The following CBFA2T3 variants were observed in gnomAD, a reference collection of about 807,000 sequenced individuals.
CBFA2T3 encodes the protein transcriptional corepressor CBFA2T3.
Under a neutral mutation model 58.6 loss-of-function variants are expected in CBFA2T3, and 31 were observed. The ratio of observed to expected loss-of-function variants is 0.53; its 90% CI spans 0.40 to 0.71. The LOEUF (loss-of-function observed/expected upper bound fraction) is 0.71, where lower values mean the gene tolerates loss of function less well. Among genes scored for constraint, CBFA2T3 ranks in the 30% least tolerant of loss-of-function variants. The pLI is 0.00. For synonymous variants in CBFA2T3, 531 were observed against 421.9 expected (o/e 1.26, Z -3.17); for missense variants, 1,076 against 963.1 (o/e 1.12, Z -1.55).
chr16:88,884,209 C>T (rs1567577036), intron 7 of CBFA2T3: 1 of 152,406 alleles, frequency 6.6e-6, no homozygotes, highest in East Asian at 1.9e-4. Context: ...GCCCTGGAAC[C>T]CTCCGCAAGG....
chr16:88,891,122 C>T (rs879290806), intron 5 of CBFA2T3, among the ~76,000 whole-genome samples: 5 of 152,106 alleles, frequency 3.3e-5, no homozygotes, highest in East Asian at 1.9e-4. Context: ...CTTCATCCAT[C>T]GGCCTGCGCA....
chr16:88,913,650 T>A (rs993286041), intron 1 of CBFA2T3, among the ~76,000 whole-genome samples: 11 of 151,738 alleles, frequency 7.2e-5, no homozygotes, highest in Non-Finnish European at 1.5e-4. Context: ...CGTGGGGGGG[T>A]CTCAGCCGGG....
chr16:88,942,007 C>T (rs1010732392), intron 1 of CBFA2T3, among the ~76,000 whole-genome samples: 14 of 151,820 alleles, frequency 9.2e-5, no homozygotes, highest in Admixed American at 2.6e-4. Context: ...GCGCTCCCCC[C>T]GCTCAGCCTC....
chr16:88,881,048 G>A (rs1394260389), intron 9 of CBFA2T3: 1 of 704,190 alleles, frequency 1.4e-6, no homozygotes, highest in Non-Finnish European at 2.6e-6. Context: ...ATTCGTCGCT[G>A]AGGCGGAGAA....
At chr16:88,898,594 G>A (rs1171360335) in intron 2 of CBFA2T3, among the ~76,000 whole-genome samples, 2 of 152,244 alleles carry the variant, frequency 1.3e-5, no homozygotes, top group Non-Finnish European at 2.9e-5. Flanking sequence ...CTTCCCAGAA[G>A]GCCCCTGTGA....
At chr16:88,917,720 TC>T (rs1970783232) in intron 1 of CBFA2T3, among the ~76,000 whole-genome samples, 1 of 152,170 alleles carries the variant, frequency 6.6e-6, no homozygotes, top group Admixed American at 6.5e-5. Context: ...AAGAATGTTT[TC>T]CCTGAAGTGC....
chr16:88,929,352 T>G (rs904587080), intron 1 of CBFA2T3, among the ~76,000 whole-genome samples: 1 of 152,188 alleles, frequency 6.6e-6, no homozygotes, highest in Non-Finnish European at 1.5e-5. Flanking sequence ...CCCACGGGCC[T>G]GCGGGAGGAC....
chr16:88,903,692 G>GGT (rs1224162319), intron 1 of CBFA2T3, among the ~76,000 whole-genome samples: 2 of 64,798 alleles, frequency 3.1e-5, no homozygotes, highest in Non-Finnish European at 6.7e-5. Flanking sequence ...GGGCATTCCT[G>GGT]GGGGGGGCGT....
chr16:88,920,065 C>A (rs1970861832), intron 1 of CBFA2T3, among the ~76,000 whole-genome samples: 1 of 152,254 alleles, frequency 6.6e-6, no homozygotes, highest in African/African-American at 2.4e-5. Flanking sequence ...GGTGGGCGTT[C>A]CTGCCTCCCT....
At chr16:88,957,412 C>T (rs967218147) in intron 1 of CBFA2T3, among the ~76,000 whole-genome samples, 1 of 152,228 alleles carries the variant, frequency 6.6e-6, no homozygotes, top group African/African-American at 2.4e-5. Context: ...GATAACAGTG[C>T]TACTCACACA....
At chr16:88,931,221 G>A (rs796792299) in intron 1 of CBFA2T3, among the ~76,000 whole-genome samples, 66 of 152,160 alleles carry the variant, frequency 4.3e-4, no homozygotes, top group African/African-American at 1.5e-3. Context: ...TGTCAACTGG[G>A]GCCAACTTGC....
At chr16:88,915,228 G>A (rs1970658454) in intron 1 of CBFA2T3, among the ~76,000 whole-genome samples, 1 of 119,510 alleles carries the variant, frequency 8.4e-6, no homozygotes, top group Middle Eastern at 4.1e-3. Flanking sequence ...GCGTGGGTGT[G>A]GGGTGGGGAG....
chr16:88,881,525 G>C (rs970359780), intron 8 of CBFA2T3, 36 bp from the exon 9 acceptor site: 2 of 1,576,758 alleles, frequency 1.3e-6, no homozygotes, highest in African/African-American at 1.3e-5. Context: ...GCACCTCAGA[G>C]GGACCGGGAC....
intron 1 of CBFA2T3, among the ~76,000 whole-genome samples, chr16:88,976,444 A>G (rs1194752809): frequency 1.3e-5 from 2 of 151,474 alleles, no homozygotes; most frequent in Non-Finnish European, 2.9e-5. Flanking sequence ...CCTGGCTGGC[A>G]CCTGCCAAAC....
At chr16:88,970,047 G>A (rs1972609841) in intron 1 of CBFA2T3, among the ~76,000 whole-genome samples, 1 of 152,168 alleles carries the variant, frequency 6.6e-6, no homozygotes, top group Non-Finnish European at 1.5e-5. Context: ...CTCCACAAAG[G>A]GGGCGCCTGG....
At chr16:88,959,686 G>C (rs1024542942) in intron 1 of CBFA2T3, among the ~76,000 whole-genome samples, 1 of 152,218 alleles carries the variant, frequency 6.6e-6, no homozygotes, top group Non-Finnish European at 1.5e-5. Context: ...AGGCGATGGA[G>C]AGAAAACGGG....
intron 1 of CBFA2T3, among the ~76,000 whole-genome samples, chr16:88,924,249 C>T (rs554283846): frequency 1.1e-4 from 17 of 152,300 alleles, no homozygotes; most frequent in Non-Finnish European, 2.2e-4. Context: ...CCCCGCCTTC[C>T]TTGCTATTCC....
chr16:88,927,967 C>T (rs1217719526), intron 1 of CBFA2T3, among the ~76,000 whole-genome samples: 4 of 152,212 alleles, frequency 2.6e-5, no homozygotes, highest in East Asian at 1.9e-4. Context: ...AAGTGGGAGC[C>T]GCAGGGAGGG....
intron 2 of CBFA2T3, among the ~76,000 whole-genome samples, chr16:88,899,933 C>T (rs1008508200): frequency 8.5e-5 from 13 of 152,184 alleles, no homozygotes; most frequent in Admixed American, 2.6e-4. Flanking sequence ...GGTAGAGAGA[C>T]GGCCCGTGGT....
Sources: allele counts gnomAD v4.1 joint callset (sites outside exome capture counted in the v4.1 genomes callset), GRCh38; gene constraint gnomAD v4.1.1; transcripts MANE v1.5; gene names NCBI Gene and HGNC (gene_info 2026-07-23, HGNC 2026-07-21).